Variants in STARD8 observed in about 807,000 individuals in gnomAD.
STARD8 encodes stAR-related lipid transfer protein 8.
In STARD8, 25 loss-of-function variants were observed where a neutral mutation model predicts 69.4. The ratio of observed to expected loss-of-function variants is 0.36; its 90% CI spans 0.26 to 0.50. The LOEUF (loss-of-function observed/expected upper bound fraction) is 0.50. STARD8 is among the 20% of genes least tolerant of loss of function. The pLI is 0.96. For synonymous variants in STARD8, 389 were observed against 374.6 expected, an observed-to-expected ratio of 1.04 and a Z score of -0.45; for missense variants, 921 against 932.5, an observed-to-expected ratio of 0.99 and a Z score of 0.16.
chrX:68,653,097 C>CAT (rs2079572549), intron 1 of STARD8, among the ~76,000 whole-genome samples: 2 of 49,116 alleles, frequency 4.1e-5, no homozygotes, highest in South Asian at 1.1e-3. Flanking sequence ...ACACACCACA[C>CAT]ACACCACACA....
Position 68,714,120 on chromosome X carries a change from T to C in STARD8, c.151+1135T>C, listed in dbSNP as rs185586660. Among the ~76,000 whole-genome samples, 55 of 112,299 alleles carry C rather than the reference T, an allele frequency of 4.9e-4. 1 individual carries two copies. The highest frequency in any genetic ancestry group is 8.6e-4 in the Non-Finnish European group (46 of 53,216). On this transcript the variant is annotated intron_variant, in intron 3 of 14. Coordinates refer to ENST00000374599, the MANE Select transcript of STARD8 (RefSeq NM_001142503.3). ...AGCTCACCTGGGCTAGTGCAGCAGC[T>C]TCCTGTGCTCTTGCACTCTCATCTC... is the stretch of plus-strand genomic sequence containing the variant.
chrX:68,705,785 C>A (rs926189829), intron 2 of STARD8, among the ~76,000 whole-genome samples: 1 of 112,744 alleles, frequency 8.9e-6, no homozygotes, highest in Non-Finnish European at 1.9e-5. Context: ...AGCATTTACT[C>A]CTTGACCCCC....
chrX:68,653,612 CCACA>C (rs770290393), intron 1 of STARD8, among the ~76,000 whole-genome samples: 3 of 48,654 alleles, frequency 6.2e-5, no homozygotes, highest in South Asian at 1.2e-3. Context: ...ACACACCCCA[CCACA>C]CACACACACA....
At chrX:68,659,901 G>A (rs2147875552) in intron 1 of STARD8, among the ~76,000 whole-genome samples, 1 of 111,579 alleles carries the variant, frequency 9.0e-6, no homozygotes. Context: ...AGGAATTAAG[G>A]GGAAAAGCGT....
chrX:68,724,485 A>T lies in STARD8; in HGVS notation c.*63A>T. On this transcript the variant is annotated 3_prime_UTR_variant, in exon 15 of 15. Coordinates refer to ENST00000374599, the MANE Select transcript of STARD8 (RefSeq NM_001142503.3). ...CCTGGGCACCAAGGGAGCGAGGGGG[A>T]ATAAGAGCAGGGCAGCCCCCTGGGT... The T allele has an allele frequency of 9.8e-7, 1 of 1,017,545 alleles. No individual in the cohort carries two copies. Among genetic ancestry groups the T allele is most frequent in the Non-Finnish European group, 1.4e-6 (1 of 736,122 alleles). The allele number at this position is 1,017,545 out of a possible 1,213,427, so 83.9% of individuals were successfully genotyped here.
intron 2 of STARD8, chrX:68,693,860 G>A: frequency 1.3e-6 from 1 of 746,530 alleles, no homozygotes. Context: ...GGGAGATCCA[G>A]ACAAACGGGG....
At chrX:68,675,990 G>A (rs1451264472) in intron 2 of STARD8, among the ~76,000 whole-genome samples, 1 of 112,000 alleles carries the variant, frequency 8.9e-6, no homozygotes, top group Non-Finnish European at 1.9e-5. Context: ...TAAAATGAAA[G>A]GATTGGATCG....
At chrX:68,685,378 T>C (rs1274503422) in intron 2 of STARD8, among the ~76,000 whole-genome samples, 2 of 111,839 alleles carry the variant, frequency 1.8e-5, no homozygotes, top group African/African-American at 6.5e-5. Flanking sequence ...GGAAATGACC[T>C]GGTCTGAGAG....
intron 1 of STARD8, among the ~76,000 whole-genome samples, chrX:68,655,523 G>T (rs1227823334): frequency 8.9e-6 from 1 of 111,930 alleles, no homozygotes; most frequent in Non-Finnish European, 1.9e-5. Context: ...ACCGTGGATT[G>T]TCCCTGACAT....
chrX:68,695,038 C>G (rs1457392312), intron 2 of STARD8, among the ~76,000 whole-genome samples: 1 of 111,089 alleles, frequency 9.0e-6, no homozygotes, highest in Non-Finnish European at 1.9e-5. Flanking sequence ...CAAACCCTGA[C>G]TCCTCCTGTG....
chrX:68,649,116 G>A (rs1386177693), intron 1 of STARD8, among the ~76,000 whole-genome samples: 1 of 112,023 alleles, frequency 8.9e-6, no homozygotes, highest in Non-Finnish European at 1.9e-5. Context: ...AAAGAATGCT[G>A]GGACCTTTGG....
intron 6 of STARD8, 78 bp downstream of exon 6, chrX:68,718,707 T>C (rs1241342470): frequency 9.0e-7 from 1 of 1,107,439 alleles, no homozygotes; most frequent in Non-Finnish European, 1.2e-6. Context: ...TTCTCAGTCA[T>C]GAGGCCCAGG....
intron 11 of STARD8, 81 bp from the exon 12 acceptor site, chrX:68,722,341 T>C: frequency 1.1e-6 from 1 of 952,228 alleles, no homozygotes; most frequent in Non-Finnish European, 1.4e-6. Context: ...ACCTCTCCAC[T>C]GCCCTTAACG....
At chrX:68,657,897 T>C (rs898400391) in intron 1 of STARD8, among the ~76,000 whole-genome samples, 2 of 111,066 alleles carry the variant, frequency 1.8e-5, no homozygotes, top group Admixed American at 1.9e-4. Context: ...AACTCTGACT[T>C]AAGTCTCTTC....
intron 2 of STARD8, among the ~76,000 whole-genome samples, chrX:68,707,518 C>A (rs1194191862): frequency 1.8e-5 from 2 of 111,454 alleles, no homozygotes; most frequent in East Asian, 2.8e-4. Context: ...GGAGAGCTCT[C>A]AAAAACAAAC....
At chrX:68,702,229 G>A (rs1468431803) in intron 2 of STARD8, among the ~76,000 whole-genome samples, 1 of 112,044 alleles carries the variant, frequency 8.9e-6, no homozygotes, top group Non-Finnish European at 1.9e-5. Context: ...CCAAGTAGGT[G>A]CTTGGGTATT....
intron 2 of STARD8, among the ~76,000 whole-genome samples, chrX:68,680,276 T>C (rs908160046): frequency 9.0e-6 from 1 of 111,432 alleles, no homozygotes; most frequent in African/African-American, 3.3e-5. Context: ...GGCCCTGAGT[T>C]CCTTGCCTCT....
chrX:68,715,288 A>G lies in STARD8; in HGVS notation c.152-6A>G, dbSNP rs1312557578. 6.7e-6 allele frequency: 8 copies of G among 1,202,541 alleles called. 1 individual carries two copies. Among genetic ancestry groups the G allele is most frequent in the Non-Finnish European group, 9.0e-6 (8 of 890,762 alleles). On this transcript the variant is annotated splice_region_variant and splice_polypyrimidine_tract_variant and intron_variant, in intron 3 of 14. Transcript: ENST00000374599. ...GCACTCATCTTTGCTTCTCTCTGCC[A>G]TACAGAAGGTTCGTTTCCCCTGGAT... is the stretch of plus-strand genomic sequence containing the variant.
chrX:68,653,132 CCA>C (rs2079574377), intron 1 of STARD8, among the ~76,000 whole-genome samples: 1 of 50,239 alleles, frequency 2.0e-5, no homozygotes, highest in Admixed American at 2.4e-4. Context: ...CACACACACA[CCA>C]CACACCACAC....
Sources: gnomAD v4.1 joint callset for allele counts (sites outside exome capture counted in the v4.1 genomes callset) on GRCh38, gnomAD v4.1.1 for gene constraint, MANE v1.5 for transcripts, NCBI Gene and HGNC (gene_info 2026-07-23, HGNC 2026-07-21) for gene names.